Variants in WNK1 observed in about 807,000 individuals in gnomAD.
The protein encoded by WNK1 is WNK lysine deficient protein kinase 1, also known as serine/threonine-protein kinase WNK1.
In WNK1, 38 loss-of-function variants were observed where a neutral mutation model predicts 222.8. The observed-to-expected ratio is 0.17, with a 90% CI of 0.13 to 0.22. The LOEUF (loss-of-function observed/expected upper bound fraction) is 0.22, where lower values mean the gene tolerates loss of function less well. Ranked by LOEUF, WNK1 falls within the 10% of genes least tolerant of loss-of-function variation. The probability of loss-of-function intolerance (pLI) is 1.00; values close to 1 mark genes in which losing one functional copy is unlikely to be tolerated. For missense variants in WNK1, 2,348 were observed against 2,918.4 expected, an observed-to-expected ratio of 0.80 and a Z score of 4.50; for synonymous variants, 1,090 against 1,092.9, an observed-to-expected ratio of 1.00 and a Z score of 0.05.
intron 1 of WNK1, among the ~76,000 whole-genome samples, chr12:755,006 GTCA>G (rs139101581): frequency 6.6e-6 from 1 of 152,172 alleles, no homozygotes; most frequent in African/African-American, 2.4e-5. Flanking sequence ...GAGTCGTAAT[GTCA>G]TCATCATTGT....
At chr12:799,129 G>C (rs1295948971) in intron 1 of WNK1, among the ~76,000 whole-genome samples, 5 of 151,864 alleles carry the variant, frequency 3.3e-5, no homozygotes, top group African/African-American at 1.2e-4. Context: ...GTTTTGGTGA[G>C]CATGTCTTTT....
chr12:868,363 G>T, intron 8 of WNK1: 1 of 1,613,898 alleles, frequency 6.2e-7, no homozygotes, highest in African/African-American at 1.3e-5. Flanking sequence ...CAAGTCCTAT[G>T]AAACAGATAC....
At chr12:758,749 G>T (rs76320605) in intron 1 of WNK1, among the ~76,000 whole-genome samples, 6,246 of 147,034 alleles carry the variant, frequency 0.042, 586 homozygotes, top group African/African-American at 0.12. Context: ...TCAGGGAATA[G>T]TTTTTGGAGT....
chr12:872,975 C>A (rs1462447857), intron 9 of WNK1, among the ~76,000 whole-genome samples: 1 of 152,200 alleles, frequency 6.6e-6, no homozygotes, highest in Admixed American at 6.5e-5. Context: ...TTGCACCTGT[C>A]CTTTCTTCCA....
chr12:870,428 T>C (rs1052392488), intron 8 of WNK1, among the ~76,000 whole-genome samples: 1 of 152,238 alleles, frequency 6.6e-6, no homozygotes, highest in Non-Finnish European at 1.5e-5. Context: ...TGTGATATTA[T>C]ATCCATGTAA....
At chr12:849,813 T>G (rs1331600832) in intron 4 of WNK1, among the ~76,000 whole-genome samples, 3 of 151,208 alleles carry the variant, frequency 2.0e-5, no homozygotes, top group Non-Finnish European at 4.4e-5. Flanking sequence ...TGAGAACATG[T>G]GGTGTTTGGT....
At chr12:812,500 C>T (rs1307009326) in intron 1 of WNK1, among the ~76,000 whole-genome samples, 2 of 152,080 alleles carry the variant, frequency 1.3e-5, no homozygotes, top group Non-Finnish European at 2.9e-5. Context: ...ATAATGTTGC[C>T]TGTGATTAAG....
At chr12:756,984 TGAA>T (rs1395725757) in intron 1 of WNK1, among the ~76,000 whole-genome samples, 2 of 152,134 alleles carry the variant, frequency 1.3e-5, no homozygotes, top group African/African-American at 4.8e-5. Flanking sequence ...ATTAGGTAGA[TGAA>T]GAACAAAAGC....
chr12:810,962 A>G (rs1477742968), intron 1 of WNK1, among the ~76,000 whole-genome samples: 4 of 152,222 alleles, frequency 2.6e-5, no homozygotes, highest in African/African-American at 9.7e-5. Context: ...TATCCTGTCA[A>G]AACAACTTAA....
chr12:901,673 C>T, intron 26 of WNK1: 1 of 1,230,566 alleles, frequency 8.1e-7, no homozygotes, highest in Non-Finnish European at 1.1e-6. Context: ...ACCTTTACTC[C>T]TTCCTTGTCC....
At chr12:785,457 A>G (rs924234435) in intron 1 of WNK1, among the ~76,000 whole-genome samples, 6 of 126,988 alleles carry the variant, frequency 4.7e-5, no homozygotes, top group South Asian at 2.6e-4. Flanking sequence ...CTGGAGTGCA[A>G]TGGTGTGATC....
chr12:885,599 A>G lies in WNK1; in HGVS notation c.4795A>G (p.Ser1599Gly), dbSNP rs758585729. Residue 1599 changes from serine (S) to glycine (G), a missense_variant, in exon 19 of 28, where the codon AGT becomes GGT. This residue lies in a region of WNK1 where 1,144 missense variants were observed against 1,273.6 expected (regional missense o/e 0.90). Coordinates refer to ENST00000315939, the MANE Select transcript of WNK1 (RefSeq NM_018979.4). Reference sequence around the variant, plus strand: ...TACACCTTTATTACCCCAAGTACCTAGTATCCCACCCTTGGTACAGCCTGT... The same window carrying G: ...TACACCTTTATTACCCCAAGTACCTGGTATCCCACCCTTGGTACAGCCTGT... ...TSTPLLPQVP[S>G]IPPLVQPVAN... 6.2e-7 allele frequency: 1 copy of G among 1,614,142 alleles called. No individual in the cohort carries two copies. Among genetic ancestry groups the G allele is most frequent in the South Asian group, 1.1e-5 (1 of 91,092 alleles).
intron 25 of WNK1, among the ~76,000 whole-genome samples, chr12:899,515 T>C (rs1955040185): frequency 6.6e-6 from 1 of 152,114 alleles, no homozygotes; most frequent in Non-Finnish European, 1.5e-5. Flanking sequence ...ACTTCTGGCC[T>C]CAGGTGATCC....
intron 1 of WNK1, among the ~76,000 whole-genome samples, chr12:780,960 G>T (rs1591665301): frequency 6.6e-6 from 1 of 152,278 alleles, no homozygotes; most frequent in East Asian, 1.9e-4. Context: ...AGACTACTTT[G>T]CAGTGGCTAT....
chr12:901,440 T>C, intron 26 of WNK1: 1 of 502,046 alleles, frequency 2.0e-6, no homozygotes, highest in Non-Finnish European at 3.1e-6. Flanking sequence ...CCCCAGAAGC[T>C]TGTTCTTCTG....
In WNK1 at chr12:906,558, TC is replaced by T. The variant is rs1453760171; in HGVS notation, c.6644-1287del. 5 of 985,158 alleles carry T rather than the reference TC, an allele frequency of 5.1e-6. No homozygotes were observed. In the African/African-American group the frequency reaches 7.0e-5, roughly 14 times the overall value. The allele number at this position is 985,158 out of a possible 1,614,324, so 61.0% of individuals were successfully genotyped here. A position where few individuals can be genotyped will look rare whatever the true frequency, so the allele number is the denominator to read the frequency against. ...GGTCATCTTCAGGAAAACCATGTCT[TC>T]CTGAAGTTGAAAGATTCAGGCACAC... On this transcript the variant is annotated intron_variant, in intron 26 of 27. Coordinates refer to ENST00000315939, the MANE Select transcript of WNK1 (RefSeq NM_018979.4).
intron 12 of WNK1, 122 bp downstream of exon 12, chr12:881,121 C>G (rs544338910): frequency 7.7e-7 from 1 of 1,296,016 alleles, no homozygotes; most frequent in Admixed American, 2.0e-5. Context: ...GTCAAACTAA[C>G]TTCTGCATGA....
intron 1 of WNK1, among the ~76,000 whole-genome samples, chr12:793,201 A>G (rs1945006998): frequency 6.6e-6 from 1 of 152,172 alleles, no homozygotes; most frequent in Non-Finnish European, 1.5e-5. Flanking sequence ...TTACCAAATA[A>G]TAGGCTTTTT....
At chr12:905,512 C>T (rs1368386919) in intron 26 of WNK1, among the ~76,000 whole-genome samples, 1 of 152,166 alleles carries the variant, frequency 6.6e-6, no homozygotes, top group East Asian at 1.9e-4. Context: ...ATGGTCACGC[C>T]TCCTGAGCTT....
Sources: allele counts gnomAD v4.1 joint callset (sites outside exome capture counted in the v4.1 genomes callset), GRCh38; gene constraint gnomAD v4.1.1; regional missense constraint gnomAD v4.1.1; transcripts MANE v1.5; gene names NCBI Gene and HGNC (gene_info 2026-07-23, HGNC 2026-07-21).